Variants in DDX59 observed in about 807,000 individuals in gnomAD.
DDX59 encodes the protein probable ATP-dependent RNA helicase DDX59.
Under a neutral mutation model 51.9 loss-of-function variants are expected in DDX59, and 30 were observed. The observed-to-expected ratio is 0.58, with a 90% CI of 0.43 to 0.78. DDX59 has a LOEUF of 0.78. Ranked by LOEUF, DDX59 falls within the 30% of genes least tolerant of loss-of-function variation. DDX59 has a pLI of 0.00. For synonymous variants in DDX59, 255 were observed against 253.3 expected, an observed-to-expected ratio of 1.01 and a Z score of -0.06; for missense variants, 672 against 730.8, an observed-to-expected ratio of 0.92 and a Z score of 0.93.
At chr1:200,667,152 C>T (rs145329327) in intron 1 of DDX59, among the ~76,000 whole-genome samples, 4 of 151,850 alleles carry the variant, frequency 2.6e-5, no homozygotes, top group Non-Finnish European at 5.9e-5. Context: ...CACCTGTAAT[C>T]CCAGCACTTT....
intron 2 of DDX59, among the ~76,000 whole-genome samples, chr1:200,665,350 G>A (rs1662650096): frequency 6.6e-6 from 1 of 151,994 alleles, no homozygotes; most frequent in Non-Finnish European, 1.5e-5. Context: ...AGCTTCTCAG[G>A]AGGCTGAGGC....
downstream of DDX59, among the ~76,000 whole-genome samples, chr1:200,641,861 G>A (rs1270973032): frequency 6.6e-6 from 1 of 152,164 alleles, no homozygotes; most frequent in Non-Finnish European, 1.5e-5. Flanking sequence ...AAATTAGCTG[G>A]GCGTGGTGGT....
At chr1:200,659,508 T>C (rs949097104) in intron 3 of DDX59, among the ~76,000 whole-genome samples, 1 of 151,370 alleles carries the variant, frequency 6.6e-6, no homozygotes, top group Admixed American at 6.6e-5. Flanking sequence ...TGGGGCAGGC[T>C]GAGGCAGGCA....
In DDX59 at chr1:200,644,254, T is replaced by C. The variant is rs748800077; in HGVS notation, c.1860A>G (p.Ter620TrpextTer22). Residue 620 changes from the stop codon to tryptophan, a stop_lost, in exon 8 of 8, where the codon TGA becomes TGG. Coordinates refer to ENST00000331314, the MANE Select transcript of DDX59 (RefSeq NM_001031725.6). Reference protein sequence around the residue: ...RKHDKSNSQK* With the variant: ...RKHDKSNSQKW The stretch of plus-strand genomic sequence containing the variant: ...AAAAATATTCAAGTGGCAGAGAAAA[T>C]CATTTCTGAGAATTACTTTTATCAT... 2.6e-6 allele frequency: 4 copies of C among 1,518,828 alleles called. No individual in the cohort carries two copies. The highest frequency in any genetic ancestry group is 3.5e-6 in the Non-Finnish European group (4 of 1,134,288). The allele number at this position is 1,518,828 out of a possible 1,614,324, so 94.1% of individuals were successfully genotyped here.
intron 6 of DDX59, 141 bp from the exon 7 acceptor site, chr1:200,648,708 C>T: frequency 1.0e-6 from 1 of 980,606 alleles, no homozygotes; most frequent in South Asian, 2.0e-5. Flanking sequence ...TCATAGTATA[C>T]CTGAAAAATG....
At chr1:200,642,325 G>A (rs963084577), downstream of DDX59, among the ~76,000 whole-genome samples, 2 of 152,108 alleles carry the variant, frequency 1.3e-5, no homozygotes, top group African/African-American at 4.8e-5. Flanking sequence ...TAGTACATTA[G>A]TGTCCTTTCT....
intron 6 of DDX59, 76 bp from the exon 7 acceptor site, chr1:200,648,643 T>A: frequency 6.8e-7 from 1 of 1,469,432 alleles, no homozygotes; most frequent in South Asian, 1.4e-5. Context: ...TAGCTTTTCT[T>A]TTTATAATGC....
At chr1:200,651,211 T>C (rs1226790592) in intron 4 of DDX59, among the ~76,000 whole-genome samples, 1 of 152,080 alleles carries the variant, frequency 6.6e-6, no homozygotes, top group Non-Finnish European at 1.5e-5. Flanking sequence ...GTTTTTTTTT[T>C]AAACCATGAA....
chr1:200,647,071 A>C (rs1301087688), intron 7 of DDX59, among the ~76,000 whole-genome samples: 1 of 152,232 alleles, frequency 6.6e-6, no homozygotes, highest in Non-Finnish European at 1.5e-5. Context: ...GTACTGTATT[A>C]AGTAAAAATA....
rs1662527109 is a variant in DDX59, at chr1:200,663,768, A to T, written c.972+151T>A. On this transcript the variant is annotated intron_variant, in intron 3 of 7. Transcript: ENST00000331314. Reference sequence around the variant, plus strand: ...TTTCCCTTCCTATATAAAACAAACTAAAAAAAAAAAAAAAACCTAAGGCTT... The same window carrying T: ...TTTCCCTTCCTATATAAAACAAACTTAAAAAAAAAAAAAAACCTAAGGCTT... 1.7e-5 allele frequency: 4 copies of T among 240,678 alleles called. No individual in the cohort carries two copies. In the South Asian group the frequency reaches 6.0e-4, roughly 36 times the overall value. 14.9% of individuals were successfully genotyped at this position (240,678 alleles called of 1,614,324 possible).
chr1:200,667,833 A>G (rs1662874568), intron 1 of DDX59, among the ~76,000 whole-genome samples: 1 of 152,102 alleles, frequency 6.6e-6, no homozygotes, highest in Non-Finnish European at 1.5e-5. Context: ...ATATTTTTTC[A>G]TTATGCTATA....
At chr1:200,665,685 T>C (rs1662679586) in intron 2 of DDX59, among the ~76,000 whole-genome samples, 1 of 152,046 alleles carries the variant, frequency 6.6e-6, no homozygotes, top group African/African-American at 2.4e-5. Context: ...AAAAAGAAAA[T>C]GTTTTGTAAG....
At chr1:200,646,267 A>G (rs960278774) in intron 7 of DDX59, among the ~76,000 whole-genome samples, 1 of 152,100 alleles carries the variant, frequency 6.6e-6, no homozygotes, top group Non-Finnish European at 1.5e-5. Flanking sequence ...CCATGCATTC[A>G]AGGTTACAGT....
chr1:200,648,586 A>G lies in DDX59; in HGVS notation c.1468-19T>C. The G allele has an allele frequency of 1.3e-6, 2 of 1,599,258 alleles. No homozygotes were observed. Among genetic ancestry groups the G allele is most frequent in the African/African-American group, 1.3e-5 (1 of 74,342 alleles). On this transcript the variant is annotated intron_variant, in intron 6 of 7. Transcript: ENST00000331314. Reference sequence around the variant, plus strand: ...GTAATCCCTTTCCAAAAAAGCAACAAAATTTATTATTCAGAATTTATTTTG... The same window carrying G: ...GTAATCCCTTTCCAAAAAAGCAACAGAATTTATTATTCAGAATTTATTTTG...
intron 4 of DDX59, among the ~76,000 whole-genome samples, chr1:200,658,139 A>T (rs1662150599): frequency 1.3e-5 from 2 of 152,190 alleles, no homozygotes; most frequent in Non-Finnish European, 2.9e-5. Flanking sequence ...ATTTGTGATC[A>T]CTGCTGGGTA....
chr1:200,646,888 T>G (rs1661326608), intron 7 of DDX59, among the ~76,000 whole-genome samples: 3 of 152,206 alleles, frequency 2.0e-5, no homozygotes, highest in South Asian at 4.1e-4. Flanking sequence ...AGGTGGTATA[T>G]CTACACGATA....
intron 2 of DDX59, among the ~76,000 whole-genome samples, chr1:200,665,284 T>C (rs561656231): frequency 6.6e-6 from 1 of 152,130 alleles, no homozygotes; most frequent in African/African-American, 2.4e-5. Flanking sequence ...GGAGAAACAC[T>C]GTCTCTACTA....
chr1:200,661,678 T>C (rs1341026630), intron 3 of DDX59, among the ~76,000 whole-genome samples: 2 of 152,190 alleles, frequency 1.3e-5, no homozygotes, highest in African/African-American at 4.8e-5. Context: ...AAATGCAACA[T>C]GTGATTCTGA....
At chr1:200,654,083 TACTA>T (rs1311210635) in intron 4 of DDX59, among the ~76,000 whole-genome samples, 1 of 152,154 alleles carries the variant, frequency 6.6e-6, no homozygotes, top group East Asian at 1.9e-4. Context: ...TCAGGCAACT[TACTA>T]GTCAGTGTGG....
Sources: gnomAD v4.1 joint callset for allele counts (sites outside exome capture counted in the v4.1 genomes callset) on GRCh38, gnomAD v4.1.1 for gene constraint, MANE v1.5 for transcripts, NCBI Gene and HGNC (gene_info 2026-07-23, HGNC 2026-07-21) for gene names.